HNF4A: variants seen among roughly 807,000 people sequenced by gnomAD.
HNF4A encodes hepatocyte nuclear factor 4 alpha.
Under a neutral mutation model 52.4 loss-of-function variants are expected in HNF4A, and 15 were observed. The observed-to-expected ratio is 0.29, with a 90% CI of 0.19 to 0.44. HNF4A has a LOEUF of 0.44. Among genes scored for constraint, HNF4A ranks in the 20% least tolerant of loss-of-function variants. The probability of loss-of-function intolerance (pLI) is 1.00; values close to 1 mark genes in which losing one functional copy is unlikely to be tolerated. For synonymous variants in HNF4A, 280 were observed against 264.4 expected, an observed-to-expected ratio of 1.06 and a Z score of -0.57; for missense variants, 479 against 647.2, an observed-to-expected ratio of 0.74 and a Z score of 2.82.
At position 44,407,373 on chromosome 20, in the gene HNF4A, C is replaced by G. The variant is rs759922116; in HGVS notation, c.291-8C>G. ...CTTCTCCATCCAACCATCCAAAGCCCTCCCCAGATTTAGCCGGCAGTGCGT... is the reference window on the plus strand; with the variant it reads ...CTTCTCCATCCAACCATCCAAAGCCGTCCCCAGATTTAGCCGGCAGTGCGT... On this transcript the variant is annotated splice_region_variant and splice_polypyrimidine_tract_variant and intron_variant, in intron 2 of 9. Coordinates refer to ENST00000316099, the MANE Select transcript of HNF4A (RefSeq NM_000457.6). The G allele has an allele frequency of 7.5e-6, 12 of 1,605,386 alleles. No homozygotes were observed. Among genetic ancestry groups the G allele is most frequent in the Non-Finnish European group, 2.6e-6 (3 of 1,174,652 alleles).
At position 44,429,637 on chromosome 20, in the gene HNF4A, C is replaced by T. The variant is rs374856505; in HGVS notation, c.1397C>T (p.Pro466Leu). The stretch of plus-strand genomic sequence containing the variant: ...AAGCCCCTCTCTGCCATCCCCCAGC[C>T]GACCATCACCAAGCAGGAAGTTATC... The change falls in exon 10 of 10, where the codon CCG becomes CTG. Residue 466 changes from proline (P) to leucine (L), a missense_variant. Physicochemically the swap from Pro to Leu is moderately conservative, Grantham distance 98. Transcript: ENST00000316099. 5.6e-6 allele frequency: 9 copies of T among 1,613,922 alleles called. No individual in the cohort carries two copies. Among genetic ancestry groups the T allele is most frequent in the East Asian group, 4.5e-5 (2 of 44,846 alleles).
At chr20:44,371,723 G>T (rs1337892252) in intron 1 of HNF4A, among the ~76,000 whole-genome samples, 1 of 152,134 alleles carries the variant, frequency 6.6e-6, no homozygotes, top group Non-Finnish European at 1.5e-5. Context: ...TACTTAGGAG[G>T]CTGGGGCAGG....
At chr20:44,381,760 G>A (rs2063156983) in intron 1 of HNF4A, among the ~76,000 whole-genome samples, 1 of 151,848 alleles carries the variant, frequency 6.6e-6, no homozygotes, top group South Asian at 2.1e-4. Context: ...ACAGGTGACT[G>A]CCACCACGCC....
chr20:44,418,614 G>A (rs1480354161), intron 6 of HNF4A, 102 bp downstream of exon 6: 11 of 904,804 alleles, frequency 1.2e-5, no homozygotes, highest in Non-Finnish European at 2.0e-5. Context: ...AAGGGTGAGG[G>A]AGACTAGTCA....
intron 7 of HNF4A, among the ~76,000 whole-genome samples, chr20:44,420,754 G>A (rs1348738207): frequency 2.0e-5 from 3 of 152,166 alleles, no homozygotes; most frequent in African/African-American, 7.2e-5. Context: ...GGAGGTGGAG[G>A]CTGCTGTGAG....
chr20:44,399,397 A>G (rs2425640), upstream of HNF4A, among the ~76,000 whole-genome samples: 96,498 of 152,070 alleles, frequency 0.63, 30,841 homozygotes, highest in East Asian at 0.75. Flanking sequence ...GTCTCCTGAC[A>G]TCAAATCTAG....
intron 2 of HNF4A, among the ~76,000 whole-genome samples, chr20:44,406,502 C>T (rs768202115): frequency 1.3e-5 from 2 of 152,180 alleles, no homozygotes; most frequent in Non-Finnish European, 2.9e-5. Flanking sequence ...ATTTACCCAT[C>T]CCCTTGAGCC....
At chr20:44,400,750 C>CG (rs558103845), upstream of HNF4A, among the ~76,000 whole-genome samples, 120 of 152,226 alleles carry the variant, frequency 7.9e-4, no homozygotes, top group African/African-American at 2.9e-3. Flanking sequence ...CGGGAAACTG[C>CG]GGGGGAACTG....
intron 3 of HNF4A, among the ~76,000 whole-genome samples, chr20:44,412,846 G>A (rs528810386): frequency 3.2e-4 from 49 of 152,308 alleles, no homozygotes; most frequent in African/African-American, 1.2e-3. Context: ...GCAGGGAAAT[G>A]CCTACGGGTA....
At chr20:44,408,715 A>C (rs1490255043) in intron 3 of HNF4A, among the ~76,000 whole-genome samples, 1 of 152,078 alleles carries the variant, frequency 6.6e-6, no homozygotes, top group Non-Finnish European at 1.5e-5. Context: ...CAAGACAGCG[A>C]GACTCTCTCA....
chr20:44,395,172 C>T (rs919269699), intron 1 of HNF4A, among the ~76,000 whole-genome samples: 10 of 152,256 alleles, frequency 6.6e-5, no homozygotes, highest in African/African-American at 1.9e-4. Context: ...CACCCACCAC[C>T]GCTGCGTGGA....
intron 8 of HNF4A, among the ~76,000 whole-genome samples, chr20:44,428,087 C>T (rs2063833296): frequency 6.6e-6 from 1 of 152,136 alleles, no homozygotes; most frequent in African/African-American, 2.4e-5. Context: ...TCAGAGCTTC[C>T]TTATATGCAC....
At position 44,429,676 on chromosome 20, in the gene HNF4A, G is replaced by A; in HGVS notation, c.*11G>A. 3.7e-6 allele frequency: 6 copies of A among 1,613,942 alleles called. No individual in the cohort carries two copies. Among genetic ancestry groups the A allele is most frequent in the Non-Finnish European group, 5.1e-6 (6 of 1,179,934 alleles). ...CAGGAAGTTATCTAGCAAGCCGCTGGGGCTTGGGGGCTCCACTGGCTCCCC... is the reference window on the plus strand; with the variant it reads ...CAGGAAGTTATCTAGCAAGCCGCTGAGGCTTGGGGGCTCCACTGGCTCCCC... On this transcript the variant is annotated 3_prime_UTR_variant, in exon 10 of 10. Coordinates refer to ENST00000316099, the MANE Select transcript of HNF4A (RefSeq NM_000457.6).
At chr20:44,396,943 G>T (rs975137920), upstream of HNF4A, among the ~76,000 whole-genome samples, 37 of 152,192 alleles carry the variant, frequency 2.4e-4, no homozygotes, top group African/African-American at 8.9e-4. Context: ...AGGCTAAGAA[G>T]CTTATCTACT....
At chr20:44,361,712 A>T (rs1327628300) in intron 1 of HNF4A, among the ~76,000 whole-genome samples, 1 of 146,096 alleles carries the variant, frequency 6.8e-6, no homozygotes, top group Non-Finnish European at 1.6e-5. Context: ...ACCAAAAAAA[A>T]ACAACAAAAA....
intron 1 of HNF4A, among the ~76,000 whole-genome samples, chr20:44,387,281 T>A (rs1282564443): frequency 1.7e-5 from 2 of 114,964 alleles, no homozygotes; most frequent in African/African-American, 3.4e-5. Context: ...AGAGCGAAAC[T>A]TCATCTTAAA....
intron 1 of HNF4A, among the ~76,000 whole-genome samples, chr20:44,373,910 G>C (rs1014472155): frequency 1.3e-5 from 2 of 151,870 alleles, no homozygotes; most frequent in African/African-American, 2.4e-5. Context: ...GCCTGATCTC[G>C]AACTCCTGAC....
chr20:44,407,757 T>TTGTGTGTATGTGTG lies in HNF4A; in HGVS notation c.385+289_385+290insATGTGTGTGTGTGT, dbSNP rs1555813816. Among the ~76,000 whole-genome samples the TTGTGTGTATGTGTG allele has an allele frequency of 2.7e-5, 4 of 145,948 alleles. 1 individual carries two copies. The highest frequency in any genetic ancestry group is 1.0e-4 in the African/African-American group (4 of 39,132). Reference sequence around the variant, plus strand: ...TCTGCGCCACCACAAAGCAGCCACGTTGTGTGTGTGTGTGTGTGTGTGTGT... The same window carrying TTGTGTGTATGTGTG: ...TCTGCGCCACCACAAAGCAGCCACGTTGTGTGTATGTGTGTGTGTGTGTGTGTGTGTGTGTGTGT... On this transcript the variant is annotated intron_variant, in intron 3 of 9. Coordinates refer to ENST00000316099, the MANE Select transcript of HNF4A (RefSeq NM_000457.6).
chr20:44,423,315 C>CAAAAT (rs780455880), intron 7 of HNF4A, among the ~76,000 whole-genome samples: 27 of 151,956 alleles, frequency 1.8e-4, no homozygotes, highest in East Asian at 1.7e-3. Flanking sequence ...GACTCAGTCT[C>CAAAAT]AAAATAAAAT....
Sources: gnomAD v4.1 joint callset for allele counts (sites outside exome capture counted in the v4.1 genomes callset) on GRCh38, gnomAD v4.1.1 for gene constraint, MANE v1.5 for transcripts, NCBI Gene and HGNC (gene_info 2026-07-23, HGNC 2026-07-21) for gene names.